SERGEF: variants seen among roughly 807,000 people sequenced by gnomAD.
SERGEF encodes the protein secretion-regulating guanine nucleotide exchange factor.
SERGEF carries 51 observed loss-of-function variants against 50.0 expected under a neutral mutation model. That is an observed-to-expected ratio of 1.02 (90% CI 0.81 to 1.29). The LOEUF (loss-of-function observed/expected upper bound fraction) is 1.29. SERGEF is among the 50% of genes most tolerant of loss of function. SERGEF has a pLI of 0.00. For synonymous variants in SERGEF, 205 were observed against 212.4 expected (o/e 0.97, Z 0.30); for missense variants, 521 against 557.0 (o/e 0.94, Z 0.65).
intron 10 of SERGEF, among the ~76,000 whole-genome samples, chr11:17,826,840 A>G (rs976909307): frequency 1.3e-5 from 2 of 152,212 alleles, no homozygotes; most frequent in Non-Finnish European, 2.9e-5. Flanking sequence ...GGTTTACAGG[A>G]CAATGGTACT....
At chr11:17,969,307 C>G (rs926103657) in intron 8 of SERGEF, among the ~76,000 whole-genome samples, 1 of 152,190 alleles carries the variant, frequency 6.6e-6, no homozygotes, top group Non-Finnish European at 1.5e-5. Flanking sequence ...TGTTTCCCAA[C>G]TCATTTCACA....
intron 10 of SERGEF, among the ~76,000 whole-genome samples, chr11:17,841,366 T>C (rs61882416): frequency 1.3e-5 from 2 of 152,182 alleles, no homozygotes; most frequent in African/African-American, 4.8e-5. Flanking sequence ...TTCCCACTTA[T>C]GCACCCAGAA....
At chr11:17,997,414 TC>T (rs1441526721) in intron 5 of SERGEF, among the ~76,000 whole-genome samples, 14 of 152,296 alleles carry the variant, frequency 9.2e-5, no homozygotes, top group African/African-American at 2.6e-4. Flanking sequence ...AATTGGAACC[TC>T]GTGCACTCCT....
rs370785793 is a variant in SERGEF at position 17,795,112 on chromosome 11, C to A, written c.1049-6699G>T. 2.4e-3 allele frequency among the ~76,000 whole-genome samples: 366 copies of A among 152,314 alleles called. 1 individual carries two copies. The highest frequency in any genetic ancestry group is 8.6e-3 in the African/African-American group (359 of 41,560). Reference sequence around the variant, plus strand: ...CAGTCAGGACTGCTCTTCTGCACTACCAGGCTGACGGAGAGGAGGGGTGAG... The same window carrying A: ...CAGTCAGGACTGCTCTTCTGCACTAACAGGCTGACGGAGAGGAGGGGTGAG... On this transcript the variant is annotated intron_variant, in intron 10 of 10. Coordinates refer to ENST00000265965, the MANE Select transcript of SERGEF (RefSeq NM_012139.4).
intron 10 of SERGEF, among the ~76,000 whole-genome samples, chr11:17,811,063 G>A (rs1034540533): frequency 1.8e-4 from 28 of 152,328 alleles, no homozygotes; most frequent in African/African-American, 6.3e-4. Context: ...GGTAATGGTG[G>A]TGGAAGCAGC....
rs1046735968 is a variant in SERGEF at position 17,846,457 on chromosome 11, G to A, written c.1048+31751C>T. ...GTATTCTCTCCTCTCTGGGGAAAGG[G>A]TCTGTGTCCTGGGTCTTTCCTGTCC... On this transcript the variant is annotated intron_variant, in intron 10 of 10. Coordinates refer to ENST00000265965, the MANE Select transcript of SERGEF (RefSeq NM_012139.4). 7 of 334,738 alleles carry A rather than the reference G, an allele frequency of 2.1e-5. No homozygotes were observed. In the East Asian group the frequency reaches 2.3e-4, roughly 11 times the overall value. The allele number at this position is 334,738 out of a possible 1,614,324, so 20.7% of individuals were successfully genotyped here.
At chr11:17,903,254 C>T (rs1851779073) in intron 9 of SERGEF, among the ~76,000 whole-genome samples, 1 of 152,062 alleles carries the variant, frequency 6.6e-6, no homozygotes, top group South Asian at 2.1e-4. Flanking sequence ...CTGTGACTCA[C>T]TGCGGAAGCC....
intron 9 of SERGEF, among the ~76,000 whole-genome samples, chr11:17,919,335 G>C (rs1852110597): frequency 6.6e-6 from 1 of 152,174 alleles, no homozygotes; most frequent in Admixed American, 6.5e-5. Context: ...GAGATGGAGA[G>C]ACCGGAAGCC....
rs768838118 is a variant in SERGEF at position 17,959,626 on chromosome 11, C to A, written c.855G>T (p.Lys285Asn). 8.7e-6 allele frequency: 14 copies of A among 1,610,826 alleles called. No individual in the cohort carries two copies. Among genetic ancestry groups the A allele is most frequent in the African/African-American group, 1.3e-5 (1 of 74,758 alleles). Residue 285 changes from lysine to asparagine, a missense_variant, in exon 9 of 11, where the codon AAG (lysine) becomes AAT (asparagine). Lys to Asn is a moderately conservative substitution (Grantham distance 94). Coordinates refer to ENST00000265965, the MANE Select transcript of SERGEF (RefSeq NM_012139.4). ...AGTCTGCTCGGCCCCAGGTAAACAT[C>A]TTGCCAGTTTCTAAAAACAAATATT... is the stretch of plus-strand genomic sequence containing the variant. Reference protein sequence around the residue: ...THLVAQTETGKMFTWGRADYG... With the variant: ...THLVAQTETGNMFTWGRADYG...
chr11:17,982,272 CTTCA>C (rs2133990803), intron 8 of SERGEF, among the ~76,000 whole-genome samples: 1 of 152,310 alleles, frequency 6.6e-6, no homozygotes, highest in East Asian at 1.9e-4. Context: ...GTCCTAGCTC[CTTCA>C]TTCACTCACT....
rs139814521 is a variant in SERGEF at position 17,798,793 on chromosome 11, C to T, written c.1049-10380G>A. 4.3e-3 allele frequency among the ~76,000 whole-genome samples: 656 copies of T among 152,286 alleles called. 8 individuals carry two copies. Among genetic ancestry groups the T allele is most frequent in the African/African-American group, 0.015 (635 of 41,564 alleles). On this transcript the variant is annotated intron_variant, in intron 10 of 10. Coordinates refer to ENST00000265965, the MANE Select transcript of SERGEF (RefSeq NM_012139.4). ...GAGGGCCTACTATGATCACATATGGCGTTATGGGCTTTTGTATCACCCATC... is the reference window on the plus strand; with the variant it reads ...GAGGGCCTACTATGATCACATATGGTGTTATGGGCTTTTGTATCACCCATC...
In SERGEF at chr11:17,832,875, G is replaced by A. The variant is rs1310050838; in HGVS notation, c.1049-44462C>T. 6.6e-5 allele frequency among the ~76,000 whole-genome samples: 10 copies of A among 152,200 alleles called. No homozygotes were observed. In the East Asian group the frequency reaches 7.7e-4, roughly 12 times the overall value. On this transcript the variant is annotated intron_variant, in intron 10 of 10. Transcript: ENST00000265965. ...ATCTGGCGGAAGAAATTTCTAAGCA[G>A]CAAACATTCAAGAGGTGACTTGGGT...
Position 17,959,645 on chromosome 11 carries a change from A to G in SERGEF, c.845-9T>C, listed in dbSNP as rs1350400262. On this transcript the variant is annotated splice_polypyrimidine_tract_variant and intron_variant, in intron 8 of 10. Transcript: ENST00000265965. The stretch of plus-strand genomic sequence containing the variant: ...AAACATCTTGCCAGTTTCTAAAAAC[A>G]AATATTATTTGAATTAAGACTACAT... 6.2e-7 allele frequency: 1 copy of G among 1,607,158 alleles called. No individual in the cohort carries two copies. Among genetic ancestry groups the G allele is most frequent in the African/African-American group, 1.3e-5 (1 of 74,522 alleles).
intron 1 of SERGEF, 115 bp downstream of exon 1, chr11:18,012,836 G>A (rs1428689555): frequency 1.4e-6 from 2 of 1,381,228 alleles, no homozygotes; most frequent in Admixed American, 2.2e-5. Context: ...CTTCAACCCA[G>A]AGCCCGGCTC....
chr11:17,969,502 A>G (rs1244398203), intron 8 of SERGEF, among the ~76,000 whole-genome samples: 1 of 152,174 alleles, frequency 6.6e-6, no homozygotes, highest in Non-Finnish European at 1.5e-5. Context: ...AAAAGCTAGT[A>G]GTAGGCTGGG....
chr11:17,975,281 A>G (rs1853347187), intron 8 of SERGEF, among the ~76,000 whole-genome samples: 2 of 152,188 alleles, frequency 1.3e-5, no homozygotes, highest in Admixed American at 6.5e-5. Flanking sequence ...AAATTTGTAT[A>G]TGGATTAAAC....
intron 10 of SERGEF, among the ~76,000 whole-genome samples, chr11:17,863,273 A>G (rs1850958726): frequency 6.6e-6 from 1 of 152,264 alleles, no homozygotes; most frequent in Non-Finnish European, 1.5e-5. Context: ...ATTATCCTTT[A>G]ACGAAAAAAA....
intron 9 of SERGEF, among the ~76,000 whole-genome samples, chr11:17,891,420 G>T (rs865880924): frequency 3.3e-5 from 5 of 152,154 alleles, no homozygotes; most frequent in Admixed American, 3.3e-4. Context: ...CTCTGTGCTG[G>T]TCACATCATA....
chr11:17,959,009 C>G (rs1852935496), intron 9 of SERGEF, among the ~76,000 whole-genome samples: 1 of 152,148 alleles, frequency 6.6e-6, no homozygotes, highest in East Asian at 1.9e-4. Flanking sequence ...GCTGGGACTA[C>G]AGGTGTGTGC....
Sources: allele counts gnomAD v4.1 joint callset (sites outside exome capture counted in the v4.1 genomes callset), GRCh38; gene constraint gnomAD v4.1.1; transcripts MANE v1.5; gene names NCBI Gene and HGNC (gene_info 2026-07-23, HGNC 2026-07-21).